Variants in KATNAL2 observed in about 807,000 individuals in gnomAD.
KATNAL2 encodes katanin catalytic subunit A1 like 2.
A neutral mutation model predicts 76.3 loss-of-function variants in KATNAL2; 52 were observed. The observed-to-expected ratio is 0.68, with a 90% CI of 0.55 to 0.86. The LOEUF (loss-of-function observed/expected upper bound fraction) is 0.86, where lower values mean the gene tolerates loss of function less well. KATNAL2 is among the 40% of genes least tolerant of loss of function. The pLI is 0.00. For synonymous variants in KATNAL2, 243 were observed against 244.2 expected, an observed-to-expected ratio of 1.00 and a Z score of 0.05; for missense variants, 660 against 668.9, an observed-to-expected ratio of 0.99 and a Z score of 0.15.
Position 46,946,409 on chromosome 18 carries a change from A to G in KATNAL2, c.-157A>G. On this transcript the variant is annotated 5_prime_UTR_variant, in exon 2 of 18. Coordinates refer to ENST00000683218, the MANE Select transcript of KATNAL2 (RefSeq NM_001387690.1). Reference sequence around the variant, plus strand: ...GATAGACCATGCACAGAGAATTTCAAAGAAAAGCAGAATAGATTTCCAAAC... The same window carrying G: ...GATAGACCATGCACAGAGAATTTCAGAGAAAAGCAGAATAGATTTCCAAAC... 2 of 1,034,420 alleles carry G rather than the reference A, an allele frequency of 1.9e-6. No homozygotes were observed. Among genetic ancestry groups the G allele is most frequent in the Non-Finnish European group, 2.3e-6 (2 of 858,308 alleles). The allele number at this position is 1,034,420 out of a possible 1,614,324, so 64.1% of individuals were successfully genotyped here. A position where few individuals can be genotyped will look rare whatever the true frequency, so the allele number is the denominator to read the frequency against.
chr18:46,941,220 G>T (rs1018707488), intron 1 of KATNAL2, among the ~76,000 whole-genome samples: 3 of 151,716 alleles, frequency 2.0e-5, no homozygotes, highest in South Asian at 2.1e-4. Context: ...GCTACTGGGG[G>T]TAGGGGTAGG....
In KATNAL2 at chr18:47,035,499, A is replaced by G. The variant is rs906457196; in HGVS notation, c.52-10958A>G. On this transcript the variant is annotated intron_variant, in intron 3 of 17. Coordinates refer to ENST00000683218, the MANE Select transcript of KATNAL2 (RefSeq NM_001387690.1). ...CCCGCTTTTGTTCCTCGGGATGTGG[A>G]GCCACAGCCTGGAGTGACCTCTGCA... 5.9e-6 allele frequency: 5 copies of G among 843,784 alleles called. No homozygotes were observed. The African/African-American group carries it at 8.6e-5, about 15-fold the overall frequency. The allele number at this position is 843,784 out of a possible 1,614,324, so 52.3% of individuals were successfully genotyped here. A position where few individuals can be genotyped will look rare whatever the true frequency, so the allele number is the denominator to read the frequency against.
chr18:46,923,674 A>AG (rs1171461830), intron 1 of KATNAL2, among the ~76,000 whole-genome samples: 1 of 152,214 alleles, frequency 6.6e-6, no homozygotes, highest in African/African-American at 2.4e-5. Context: ...TGGTTGAACT[A>AG]GTTTACAGTC....
intron 3 of KATNAL2, among the ~76,000 whole-genome samples, chr18:46,955,466 C>T (rs1055896830): frequency 6.6e-6 from 1 of 151,696 alleles, no homozygotes; most frequent in Non-Finnish European, 1.5e-5. Flanking sequence ...TCAGGTGATC[C>T]GTCTGCCTTG....
Position 47,099,089 on chromosome 18 carries a change from A to C in KATNAL2, c.1212-154A>C, listed in dbSNP as rs1040834443. On this transcript the variant is annotated intron_variant, in intron 15 of 17. Coordinates refer to ENST00000683218, the MANE Select transcript of KATNAL2 (RefSeq NM_001387690.1). ...TTCTCACCAATTCTTTCTCCAAATA[A>C]TATTAATTGTCCCATCCACTCAAGG... 7 of 614,326 alleles carry C rather than the reference A, an allele frequency of 1.1e-5. No individual in the cohort carries two copies. In the African/African-American group the frequency reaches 1.3e-4, roughly 11 times the overall value. 38.1% of individuals were successfully genotyped at this position (614,326 alleles called of 1,614,324 possible). A position where few individuals can be genotyped will look rare whatever the true frequency, so the allele number is the denominator to read the frequency against.
At chr18:47,033,269 C>G (rs1432645150) in intron 3 of KATNAL2, 2 of 1,613,566 alleles carry the variant, frequency 1.2e-6, no homozygotes, top group Admixed American at 1.7e-5. Context: ...TTTTCGGGGT[C>G]AGCGTCTCCT....
intron 1 of KATNAL2, among the ~76,000 whole-genome samples, chr18:46,920,647 T>C (rs1407490008): frequency 6.6e-6 from 1 of 152,222 alleles, no homozygotes; most frequent in Non-Finnish European, 1.5e-5. Context: ...TTCTAATCTA[T>C]ACTCCCCAAT....
chr18:47,059,157 G>A (rs552213187), intron 7 of KATNAL2, among the ~76,000 whole-genome samples: 1 of 152,362 alleles, frequency 6.6e-6, no homozygotes, highest in African/African-American at 2.4e-5. Flanking sequence ...GAGAGGTGAA[G>A]GTGGGGCAGG....
At chr18:47,058,463 G>T in intron 7 of KATNAL2, 111 bp downstream of exon 7, 1 of 648,526 alleles carries the variant, frequency 1.5e-6, no homozygotes, top group African/African-American at 1.8e-5. Context: ...TAAAATTGCT[G>T]TGTGATCTAA....
At chr18:46,961,283 G>C (rs1462957819) in intron 3 of KATNAL2, among the ~76,000 whole-genome samples, 1 of 152,066 alleles carries the variant, frequency 6.6e-6, no homozygotes, top group Non-Finnish European at 1.5e-5. Flanking sequence ...AAGGTGGCAG[G>C]GGCGGTGGGG....
chr18:46,924,647 A>C (rs2058673525), intron 1 of KATNAL2, among the ~76,000 whole-genome samples: 1 of 152,172 alleles, frequency 6.6e-6, no homozygotes, highest in Non-Finnish European at 1.5e-5. Context: ...GAAGGCATTG[A>C]ATCTATAAAT....
rs758518276 is a variant in KATNAL2 at position 47,033,875 on chromosome 18, C to T, written c.52-12582C>T. ...GCCTGCATCCAGGCCTCTGAGAGGTCCCAGAGCTCTGAGAAGACATGGCTG... is the reference window on the plus strand; with the variant it reads ...GCCTGCATCCAGGCCTCTGAGAGGTTCCAGAGCTCTGAGAAGACATGGCTG... On this transcript the variant is annotated intron_variant, in intron 3 of 17. Transcript: ENST00000683218. 7 of 1,613,920 alleles carry T rather than the reference C, an allele frequency of 4.3e-6. No homozygotes were observed. In the East Asian group the frequency reaches 1.6e-4, roughly 36 times the overall value.
chr18:46,926,985 T>C (rs1057204606), intron 1 of KATNAL2, among the ~76,000 whole-genome samples: 7 of 152,196 alleles, frequency 4.6e-5, no homozygotes, highest in African/African-American at 9.6e-5. Flanking sequence ...TGTCTCTGCA[T>C]GTGAGATGGG....
intron 3 of KATNAL2, chr18:47,035,425 A>T: frequency 1.4e-6 from 2 of 1,425,044 alleles, no homozygotes; most frequent in Non-Finnish European, 1.9e-6. Context: ...TCCTCGGAGC[A>T]GCAGGCCACT....
intron 13 of KATNAL2, among the ~76,000 whole-genome samples, chr18:47,073,524 A>C (rs898333988): frequency 6.6e-6 from 1 of 152,188 alleles, no homozygotes; most frequent in African/African-American, 2.4e-5. Context: ...CTTACTGTGA[A>C]GCTTTCAAAG....
intron 3 of KATNAL2, among the ~76,000 whole-genome samples, chr18:46,958,175 G>C (rs2059821966): frequency 6.6e-6 from 1 of 151,582 alleles, no homozygotes; most frequent in African/African-American, 2.4e-5. Flanking sequence ...GGCTTTTCCT[G>C]AGTCTTGAGT....
At chr18:47,035,566 G>A (rs779716444) in intron 3 of KATNAL2, 2 of 596,224 alleles carry the variant, frequency 3.4e-6, no homozygotes, top group South Asian at 4.1e-5. Flanking sequence ...TGCCAGAGCT[G>A]GGCCTTATGT....
At chr18:46,945,816 A>T (rs2059369253) in intron 1 of KATNAL2, among the ~76,000 whole-genome samples, 1 of 152,262 alleles carries the variant, frequency 6.6e-6, no homozygotes, top group South Asian at 2.1e-4. Flanking sequence ...ACAATTTCAC[A>T]TGGTGCCAAG....
chr18:47,095,669 C>G (rs879848258), intron 15 of KATNAL2, among the ~76,000 whole-genome samples: 1 of 152,220 alleles, frequency 6.6e-6, no homozygotes, highest in Non-Finnish European at 1.5e-5. Context: ...GTTGGAACAT[C>G]CTTGGGTATG....
Sources: allele counts gnomAD v4.1 joint callset (sites outside exome capture counted in the v4.1 genomes callset), GRCh38; gene constraint gnomAD v4.1.1; transcripts MANE v1.5; gene names NCBI Gene and HGNC (gene_info 2026-07-23, HGNC 2026-07-21).